The following CDH4 variants were observed in gnomAD, a reference collection of about 807,000 sequenced individuals.
CDH4 encodes the protein cadherin 4.
In CDH4, 33 loss-of-function variants were observed where a neutral mutation model predicts 86.0. The observed-to-expected ratio is 0.38, with a 90% confidence interval of 0.29 to 0.51. CDH4 has a LOEUF of 0.51. Ranked by LOEUF, CDH4 falls within the 20% of genes least tolerant of loss-of-function variation. The pLI is 0.86. For synonymous variants in CDH4, 555 were observed against 549.4 expected (o/e 1.01, Z -0.14); for missense variants, 1,114 against 1,307.4 (o/e 0.85, Z 2.28).
At chr20:61,775,068 G>A (rs75330354) in intron 4 of CDH4, among the ~76,000 whole-genome samples, 1,610 of 148,590 alleles carry the variant, frequency 0.011, 35 homozygotes, top group African/African-American at 0.04. Context: ...TCAAATGGGA[G>A]TTCTGCCTCT....
intron 2 of CDH4, among the ~76,000 whole-genome samples, chr20:61,590,057 C>T (rs1270147973): frequency 6.6e-6 from 1 of 151,402 alleles, no homozygotes; most frequent in Non-Finnish European, 1.5e-5. Context: ...GTGGGCTCCC[C>T]GGACAGAGGG....
chr20:61,935,809 G>A (rs937893259), intron 15 of CDH4, among the ~76,000 whole-genome samples: 5 of 152,140 alleles, frequency 3.3e-5, no homozygotes, highest in Non-Finnish European at 5.9e-5. Flanking sequence ...TCGCTTGAAC[G>A]TGGGAGGCAG....
intron 6 of CDH4, among the ~76,000 whole-genome samples, chr20:61,858,744 CTCGT>C (rs1983184612): frequency 6.6e-6 from 1 of 152,210 alleles, no homozygotes; most frequent in South Asian, 2.1e-4. Context: ...GTATCCATAG[CTCGT>C]TCCTTTCTGT....
chr20:61,369,552 G>A (rs2084828938), intron 2 of CDH4, among the ~76,000 whole-genome samples: 1 of 150,904 alleles, frequency 6.6e-6, no homozygotes, highest in South Asian at 2.1e-4. Flanking sequence ...ATCTTGCTAT[G>A]TGTACTGTGC....
At chr20:61,887,780 T>G (rs565518800) in intron 7 of CDH4, among the ~76,000 whole-genome samples, 2 of 152,302 alleles carry the variant, frequency 1.3e-5, no homozygotes, top group South Asian at 4.1e-4. Context: ...TGCCGGCCCG[T>G]GTCAGTCTCC....
intron 9 of CDH4, among the ~76,000 whole-genome samples, chr20:61,921,116 G>A (rs1314503692): frequency 1.3e-5 from 2 of 149,500 alleles, no homozygotes; most frequent in African/African-American, 4.9e-5. Flanking sequence ...TGGAAGCGTG[G>A]TGTCACGGTG....
rs2055202213 is a variant in CDH4 at position 61,937,146 on chromosome 20, C to T, written c.*203C>T. 3.0e-6 allele frequency: 1 copy of T among 332,890 alleles called. No homozygotes were observed. Among genetic ancestry groups the T allele is most frequent in the African/African-American group, 2.2e-5 (1 of 45,452 alleles). The allele number at this position is 332,890 out of a possible 1,614,324, so 20.6% of individuals were successfully genotyped here. A position where few individuals can be genotyped will look rare whatever the true frequency, so the allele number is the denominator to read the frequency against. Reference sequence around the variant, plus strand: ...CACCCGGCCGCTGCCCAGCACCGCGCTGGCTGGCACTGAAGGACAGCAAGA... The same window carrying T: ...CACCCGGCCGCTGCCCAGCACCGCGTTGGCTGGCACTGAAGGACAGCAAGA... On this transcript the variant is annotated 3_prime_UTR_variant, in exon 16 of 16. Coordinates refer to ENST00000614565, the MANE Select transcript of CDH4 (RefSeq NM_001794.5).
In CDH4 at chr20:61,910,411, C is replaced by A. The variant is rs374897454; in HGVS notation, c.1189-11C>A. Reference sequence around the variant, plus strand: ...CACGGGTTTGTGACATTCTTTCCTTCCATTTTGCAGTTTGCAGGGGAGGTC... The same window carrying A: ...CACGGGTTTGTGACATTCTTTCCTTACATTTTGCAGTTTGCAGGGGAGGTC... On this transcript the variant is annotated splice_polypyrimidine_tract_variant and intron_variant, in intron 8 of 15. Coordinates refer to ENST00000614565, the MANE Select transcript of CDH4 (RefSeq NM_001794.5). The A allele has an allele frequency of 1.4e-5, 23 of 1,609,990 alleles. No homozygotes were observed. Among genetic ancestry groups the A allele is most frequent in the Non-Finnish European group, 2.0e-5 (23 of 1,176,688 alleles).
intron 4 of CDH4, among the ~76,000 whole-genome samples, chr20:61,843,366 C>A (rs555957560): frequency 9.6e-5 from 14 of 145,454 alleles, no homozygotes; most frequent in African/African-American, 3.2e-4. Flanking sequence ...AGGAGAATGG[C>A]GTGAACCCAG....
At chr20:61,604,885 T>C (rs1211819114) in intron 2 of CDH4, among the ~76,000 whole-genome samples, 1 of 149,066 alleles carries the variant, frequency 6.7e-6, no homozygotes, top group Non-Finnish European at 1.5e-5. Flanking sequence ...TTTGAGGAAA[T>C]GGCTACAGGA....
At chr20:61,642,481 G>A (rs1236310100) in intron 2 of CDH4, among the ~76,000 whole-genome samples, 7 of 152,196 alleles carry the variant, frequency 4.6e-5, no homozygotes, top group African/African-American at 7.2e-5. Context: ...AGAACAGAGA[G>A]GTGGCCAGAG....
At chr20:61,468,561 T>C (rs2085486031) in intron 2 of CDH4, among the ~76,000 whole-genome samples, 1 of 152,176 alleles carries the variant, frequency 6.6e-6, no homozygotes, top group South Asian at 2.1e-4. Context: ...CCAGTTACAT[T>C]CTTTTAGTTA....
intron 2 of CDH4, among the ~76,000 whole-genome samples, chr20:61,491,298 GT>G (rs922213203): frequency 3.3e-5 from 5 of 152,184 alleles, no homozygotes; most frequent in African/African-American, 1.2e-4. Context: ...AGGTTACTTG[GT>G]TGGGCTGTAA....
intron 4 of CDH4, among the ~76,000 whole-genome samples, chr20:61,842,337 C>T (rs961610221): frequency 1.3e-5 from 2 of 152,192 alleles, no homozygotes; most frequent in Non-Finnish European, 1.5e-5. Flanking sequence ...TACTGTGTGT[C>T]ATCAGAATTC....
At chr20:61,616,321 G>C (rs1474876296) in intron 2 of CDH4, among the ~76,000 whole-genome samples, 1 of 152,308 alleles carries the variant, frequency 6.6e-6, no homozygotes, top group African/African-American at 2.4e-5. Flanking sequence ...TGCCCATCAG[G>C]GTTCTCATAT....
At chr20:61,444,967 G>A (rs2085340211) in intron 2 of CDH4, among the ~76,000 whole-genome samples, 1 of 151,840 alleles carries the variant, frequency 6.6e-6, no homozygotes, top group African/African-American at 2.4e-5. Flanking sequence ...ATATGTGTGT[G>A]GGTTTCTTTG....
At chr20:61,368,121 G>A (rs991916894) in intron 2 of CDH4, among the ~76,000 whole-genome samples, 2 of 152,206 alleles carry the variant, frequency 1.3e-5, no homozygotes, top group Middle Eastern at 3.4e-3. Flanking sequence ...CGCCCGCCTC[G>A]GCCTCCCAAA....
intron 2 of CDH4, among the ~76,000 whole-genome samples, chr20:61,527,761 T>C (rs1010375933): frequency 6.6e-6 from 1 of 152,034 alleles, no homozygotes; most frequent in Non-Finnish European, 1.5e-5. Flanking sequence ...AGACGTCTCG[T>C]GGTTCTGGTT....
In CDH4 at chr20:61,859,356, A is replaced by G. The variant is rs747538510; in HGVS notation, c.877+6458A>G. Among the ~76,000 whole-genome samples, 82 of 152,264 alleles carry G rather than the reference A, an allele frequency of 5.4e-4. 1 individual carries two copies. The highest frequency in any genetic ancestry group is 1.1e-3 in the Non-Finnish European group (73 of 68,026). On this transcript the variant is annotated intron_variant, in intron 6 of 15. Transcript: ENST00000614565. ...TCTCCCACTCAGTAACTTGTCTTCC[A>G]TCCTCCCCCCAGGGTCTTTGCGAGC...
Sources: allele counts gnomAD v4.1 joint callset (sites outside exome capture counted in the v4.1 genomes callset), GRCh38; gene constraint gnomAD v4.1.1; transcripts MANE v1.5; gene names NCBI Gene and HGNC (gene_info 2026-07-23, HGNC 2026-07-21).